Variants in C3orf70 observed in about 807,000 individuals in gnomAD.
C3orf70 encodes UPF0524 protein C3orf70.
C3orf70 carries 15 observed loss-of-function variants against 20.7 expected under a neutral mutation model. The observed-to-expected ratio is 0.72, with a 90% CI of 0.48 to 1.11. The LOEUF (loss-of-function observed/expected upper bound fraction) is 1.11. Among genes scored for constraint, C3orf70 ranks in the 50% most tolerant of loss-of-function variants. The pLI is 0.00. For missense variants in C3orf70, 332 were observed against 317.6 expected (o/e 1.05, Z -0.34); for synonymous variants, 161 against 125.7 (o/e 1.28, Z -1.88).
chr3:185,152,747 C>T lies in C3orf70; in HGVS notation c.77G>A (p.Arg26Gln), dbSNP rs775431960. 1 of 1,594,228 alleles carries T rather than the reference C, an allele frequency of 6.3e-7. No individual in the cohort carries two copies. Among genetic ancestry groups the T allele is most frequent in the Non-Finnish European group, 8.5e-7 (1 of 1,171,026 alleles). The part of the protein sequence containing the change: ...EKLDEAQALA[R>Q]SCAARRPDFQ... ...GTCGGGTCTGCGGGCGGCGCAACTC[C>T]GCGCCAGGGCCTGAGCCTCATCTAG... The change falls in exon 1 of 2, where the codon CGG becomes CAG. Residue 26 changes from arginine (R) to glutamine (Q), a missense_variant. Coordinates refer to ENST00000335012, the MANE Select transcript of C3orf70 (RefSeq NM_001025266.3).
chr3:185,135,526 G>A (rs1263410289), intron 1 of C3orf70, among the ~76,000 whole-genome samples: 2 of 152,182 alleles, frequency 1.3e-5, no homozygotes, highest in African/African-American at 4.8e-5. Flanking sequence ...ATAGAAGTTG[G>A]TTAATGGGTA....
intron 1 of C3orf70, among the ~76,000 whole-genome samples, chr3:185,146,115 T>A (rs1488545676): frequency 6.6e-6 from 1 of 151,976 alleles, no homozygotes; most frequent in Non-Finnish European, 1.5e-5. Flanking sequence ...TTTCTCTATC[T>A]CTGGAAGAAC....
chr3:185,083,058 G>A lies in C3orf70; in HGVS notation c.702C>T (p.Ser234=). ...SWEPDECTLL[S]PSQSDLEVIE... is the part of the protein sequence containing the mutation. ...TCACTTCCAGGTCAGACTGCGAGGG[G>A]GAGAGAAGGGTGCACTCATCCGGTT... Residue 234 remains serine, a synonymous_variant, in exon 2 of 2, where the codon TCC becomes TCT. Coordinates refer to ENST00000335012, the MANE Select transcript of C3orf70 (RefSeq NM_001025266.3). 6.2e-7 allele frequency: 1 copy of A among 1,614,118 alleles called. No homozygotes were observed. The highest frequency in any genetic ancestry group is 8.5e-7 in the Non-Finnish European group (1 of 1,180,024).
In C3orf70 at chr3:185,131,897, G is replaced by T. The variant is rs528604289; in HGVS notation, c.196+20731C>A. Among the ~76,000 whole-genome samples the T allele has an allele frequency of 3.1e-3, 474 of 152,300 alleles. 2 individuals carry two copies. Among genetic ancestry groups the T allele is most frequent in the African/African-American group, 0.011 (456 of 41,556 alleles). On this transcript the variant is annotated intron_variant, in intron 1 of 1. Transcript: ENST00000335012. Reference sequence around the variant, plus strand: ...CTCCAAAAAGTTATCATCAGTGTAAGAGTAAATTACAAATAAACCAACTCC... The same window carrying T: ...CTCCAAAAAGTTATCATCAGTGTAATAGTAAATTACAAATAAACCAACTCC...
intron 1 of C3orf70, among the ~76,000 whole-genome samples, chr3:185,124,789 A>C (rs190378611): frequency 6.6e-6 from 1 of 152,212 alleles, no homozygotes; most frequent in African/African-American, 2.4e-5. Context: ...CAAAGGTCTG[A>C]TATCCAGTAT....
intron 1 of C3orf70, among the ~76,000 whole-genome samples, chr3:185,091,221 AG>A (rs1715563274): frequency 6.6e-6 from 1 of 151,604 alleles, no homozygotes; most frequent in Non-Finnish European, 1.5e-5. Context: ...GTTTCATTGA[AG>A]GATTTTTATA....
chr3:185,120,245 T>A lies in C3orf70; in HGVS notation c.196+32383A>T, dbSNP rs149191260. Among the ~76,000 whole-genome samples the A allele has an allele frequency of 3.7e-3, 564 of 152,246 alleles. 3 individuals are homozygous for A. Among genetic ancestry groups the A allele is most frequent in the African/African-American group, 0.013 (542 of 41,538 alleles). On this transcript the variant is annotated intron_variant, in intron 1 of 1. Transcript: ENST00000335012. ...GAAGCAAATTTTGAAAATTATTCAT[T>A]TGGTCATTCAACAAATATGTACTAT...
chr3:185,128,309 C>T (rs769810896), intron 1 of C3orf70, among the ~76,000 whole-genome samples: 24 of 152,096 alleles, frequency 1.6e-4, no homozygotes, highest in Non-Finnish European at 2.5e-4. Flanking sequence ...GGGTGGATCA[C>T]CTGAGGTCAG....
intron 1 of C3orf70, among the ~76,000 whole-genome samples, chr3:185,131,945 A>G (rs1716530868): frequency 6.6e-6 from 1 of 152,250 alleles, no homozygotes; most frequent in Admixed American, 6.5e-5. Flanking sequence ...ACATAGCTTA[A>G]ACTCAGGACA....
chr3:185,150,923 A>G (rs1403159148), intron 1 of C3orf70, among the ~76,000 whole-genome samples: 1 of 152,260 alleles, frequency 6.6e-6, no homozygotes, highest in African/African-American at 2.4e-5. Flanking sequence ...CAGTCATTCA[A>G]TGAACATTAT....
Position 185,083,073 on chromosome 3 carries a change from C to T in C3orf70, c.687G>A (p.Glu229=), listed in dbSNP as rs774855344. ...ACTGCGAGGGGGAGAGAAGGGTGCA[C>T]TCATCCGGTTCCCAGCTGCTCTCTG... ...YSPESSWEPD[E]CTLLSPSQSD... The change falls in exon 2 of 2, where the codon GAG becomes GAA. Residue 229 remains glutamate (E), a synonymous_variant. Coordinates refer to ENST00000335012, the MANE Select transcript of C3orf70 (RefSeq NM_001025266.3). 18 of 1,614,046 alleles carry T rather than the reference C, an allele frequency of 1.1e-5. No individual in the cohort carries two copies. In the East Asian group the frequency reaches 2.5e-4, roughly 22 times the overall value.
At chr3:185,088,184 T>C (rs1370317481) in intron 1 of C3orf70, among the ~76,000 whole-genome samples, 1 of 152,220 alleles carries the variant, frequency 6.6e-6, no homozygotes, top group East Asian at 1.9e-4. Context: ...GTGCTGGGAT[T>C]ACAGGTGTGA....
chr3:185,122,098 C>CA (rs759419036), intron 1 of C3orf70, among the ~76,000 whole-genome samples: 4,561 of 58,076 alleles, frequency 0.079, 249 homozygotes, highest in African/African-American at 0.19. Context: ...GACTCCGTCT[C>CA]AAAAAAAAAA....
chr3:185,116,463 T>G (rs566734593), intron 1 of C3orf70, among the ~76,000 whole-genome samples: 2 of 152,354 alleles, frequency 1.3e-5, no homozygotes, highest in African/African-American at 4.8e-5. Context: ...CTGTTATTAT[T>G]TACGTTTTAG....
chr3:185,109,776 T>G (rs1716024700), intron 1 of C3orf70, among the ~76,000 whole-genome samples: 1 of 152,086 alleles, frequency 6.6e-6, no homozygotes, highest in Non-Finnish European at 1.5e-5. Context: ...CTTTCTGATC[T>G]CAGTATTTAC....
rs148079547 is a variant in C3orf70 at position 185,113,119 on chromosome 3, T to G, written c.197-29556A>C. Among the ~76,000 whole-genome samples the G allele has an allele frequency of 2.2e-3, 328 of 151,854 alleles. 1 individual carries two copies. Among genetic ancestry groups the G allele is most frequent in the African/African-American group, 7.7e-3 (317 of 41,424 alleles). On this transcript the variant is annotated intron_variant, in intron 1 of 1. Coordinates refer to ENST00000335012, the MANE Select transcript of C3orf70 (RefSeq NM_001025266.3). ...TTCAAATAGAAGTTTTTATCTATACTAAAGAAAAGATCTACAATATGTAGA... is the reference window on the plus strand; with the variant it reads ...TTCAAATAGAAGTTTTTATCTATACGAAAGAAAAGATCTACAATATGTAGA...
chr3:185,109,785 A>C lies in C3orf70; in HGVS notation c.197-26222T>G, dbSNP rs143504747. On this transcript the variant is annotated intron_variant, in intron 1 of 1. Transcript: ENST00000335012. Reference sequence around the variant, plus strand: ...CACACGCTTTCTGATCTCAGTATTTACCATAATAAATCTGCTCCTATAATT... The same window carrying C: ...CACACGCTTTCTGATCTCAGTATTTCCCATAATAAATCTGCTCCTATAATT... 3.9e-3 allele frequency among the ~76,000 whole-genome samples: 596 copies of C among 152,162 alleles called. 4 individuals carry two copies. Among genetic ancestry groups the C allele is most frequent in the African/African-American group, 0.013 (552 of 41,430 alleles).
At position 185,077,577 on chromosome 3, in the gene C3orf70, G is replaced by C. The variant is rs905993739; in HGVS notation, c.*5430C>G. 6.6e-6 allele frequency among the ~76,000 whole-genome samples: 1 copy of C among 152,046 alleles called. No individual in the cohort carries two copies. The highest frequency in any genetic ancestry group is 2.4e-5 in the African/African-American group (1 of 41,370). On this transcript the variant is annotated 3_prime_UTR_variant, in exon 2 of 2. Transcript: ENST00000335012. Reference sequence around the variant, plus strand: ...GGTTGTTCAATAGACTCCAACCCTTGAAGCTGTTCTTTTCTGAGTATGGAC... The same window carrying C: ...GGTTGTTCAATAGACTCCAACCCTTCAAGCTGTTCTTTTCTGAGTATGGAC...
chr3:185,111,826 A>T (rs192824588), intron 1 of C3orf70, among the ~76,000 whole-genome samples: 27 of 152,302 alleles, frequency 1.8e-4, no homozygotes, highest in Non-Finnish European at 2.8e-4. Context: ...GTTTTAAAGG[A>T]ACAAGATAAA....
Sources: allele counts gnomAD v4.1 joint callset (sites outside exome capture counted in the v4.1 genomes callset), GRCh38; gene constraint gnomAD v4.1.1; transcripts MANE v1.5; gene names NCBI Gene and HGNC (gene_info 2026-07-23, HGNC 2026-07-21).